NRXN3: variants seen among roughly 807,000 people sequenced by gnomAD.
The protein encoded by NRXN3 is neurexin 3, also known as neurexin III.
NRXN3 carries 32 observed loss-of-function variants against 137.6 expected under a neutral mutation model. The ratio of observed to expected loss-of-function variants is 0.23; its 90% CI spans 0.18 to 0.31. The LOEUF is 0.31. NRXN3 is among the 10% of genes least tolerant of loss of function. The pLI, the probability that NRXN3 is intolerant of heterozygous loss-of-function variation, is 1.00. For synonymous variants in NRXN3, 798 were observed against 784.5 expected (o/e 1.02, Z -0.29); for missense variants, 1,574 against 2,062.5 (o/e 0.76, Z 4.59).
chr14:79,770,767 C>A (rs962391999), intron 19 of NRXN3, among the ~76,000 whole-genome samples: 4 of 151,028 alleles, frequency 2.6e-5, no homozygotes, highest in African/African-American at 9.7e-5. Context: ...CAAGAAATAA[C>A]TAAAATCAGA....
chr14:78,332,319 T>A (rs1358395722), intron 4 of NRXN3, among the ~76,000 whole-genome samples: 1 of 180 alleles, frequency 5.6e-3, no homozygotes, highest in Admixed American at 0.12. Flanking sequence ...TTTCTTCTTC[T>A]TTTTTTTTTT....
At chr14:78,249,193 C>T (rs1352809354) in intron 2 of NRXN3, among the ~76,000 whole-genome samples, 1 of 152,208 alleles carries the variant, frequency 6.6e-6, no homozygotes, top group Non-Finnish European at 1.5e-5. Flanking sequence ...GCAGCCTTCT[C>T]CTTTTGCAGA....
intron 4 of NRXN3, among the ~76,000 whole-genome samples, chr14:78,370,020 G>A (rs185882872): frequency 8.6e-5 from 13 of 151,468 alleles, no homozygotes; most frequent in Admixed American, 7.2e-4. Flanking sequence ...TTTGAGGTTC[G>A]TCTTTTTCCC....
intron 15 of NRXN3, among the ~76,000 whole-genome samples, chr14:79,023,436 A>G (rs979293457): frequency 3.3e-5 from 5 of 152,116 alleles, no homozygotes; most frequent in East Asian, 1.9e-4. Flanking sequence ...AAAGCAGGTA[A>G]GGAAAGAAAG....
At position 78,902,970 on chromosome 14, in the gene NRXN3, G is replaced by T. The variant is rs1397013881; in HGVS notation, c.2276-54272G>T. Among the ~76,000 whole-genome samples, 5 of 151,550 alleles carry T rather than the reference G, an allele frequency of 3.3e-5. No homozygotes were observed. The East Asian group carries it at 9.8e-4, about 30-fold the overall frequency. On this transcript the variant is annotated intron_variant, in intron 10 of 20. Transcript: ENST00000335750. ...TCCTGCAAATCTCATCCTTTTCAAG[G>T]TAATTCTTTCATTTCAGATAAAATG... is the stretch of plus-strand genomic sequence containing the variant.
At chr14:78,634,432 A>G (rs10483910) in intron 4 of NRXN3, among the ~76,000 whole-genome samples, 11,656 of 152,300 alleles carry the variant, frequency 0.077, 543 homozygotes, top group Middle Eastern at 0.15. Context: ...CTCACAGCGT[A>G]TGGTTAAAAA....
At chr14:79,172,334 GA>G (rs1241950940) in intron 15 of NRXN3, among the ~76,000 whole-genome samples, 1 of 152,124 alleles carries the variant, frequency 6.6e-6, no homozygotes, top group African/African-American at 2.4e-5. Flanking sequence ...GTCAGTAAAA[GA>G]AGATGAATGT....
intron 15 of NRXN3, among the ~76,000 whole-genome samples, chr14:79,265,462 G>T (rs2078323226): frequency 6.6e-6 from 1 of 151,856 alleles, no homozygotes; most frequent in Non-Finnish European, 1.5e-5. Context: ...AGCTAAAGAA[G>T]AGAAATGTTC....
intron 16 of NRXN3, among the ~76,000 whole-genome samples, chr14:79,606,309 TAAA>T (rs1403027669): frequency 6.6e-6 from 1 of 152,180 alleles, no homozygotes; most frequent in African/African-American, 2.4e-5. Flanking sequence ...GTTCTTTGCT[TAAA>T]AAAAGTTGCA....
chr14:79,352,418 A>G (rs543876074), intron 15 of NRXN3, among the ~76,000 whole-genome samples: 1 of 152,250 alleles, frequency 6.6e-6, no homozygotes, highest in African/African-American at 2.4e-5. Flanking sequence ...CTCGAACTTG[A>G]GATTCCAGAA....
intron 15 of NRXN3, among the ~76,000 whole-genome samples, chr14:79,287,425 G>T (rs1394471296): frequency 6.6e-6 from 1 of 152,156 alleles, no homozygotes; most frequent in East Asian, 1.9e-4. Context: ...TTCAGAATTG[G>T]ATCCCATTTG....
At chr14:79,103,358 T>C (rs938406195) in intron 15 of NRXN3, among the ~76,000 whole-genome samples, 2 of 152,160 alleles carry the variant, frequency 1.3e-5, no homozygotes, top group Non-Finnish European at 2.9e-5. Context: ...AAGAAAATAG[T>C]GCAATGACTG....
At chr14:79,801,235 T>A (rs1008696250) in intron 19 of NRXN3, among the ~76,000 whole-genome samples, 4 of 152,232 alleles carry the variant, frequency 2.6e-5, no homozygotes, top group Admixed American at 2.0e-4. Context: ...TCACAGCCAC[T>A]GAGAACAGAT....
intron 15 of NRXN3, among the ~76,000 whole-genome samples, chr14:79,061,686 G>T (rs1039313870): frequency 1.3e-5 from 2 of 152,144 alleles, no homozygotes; most frequent in African/African-American, 4.8e-5. Context: ...CCATGACAAG[G>T]TCTACGGCAT....
At chr14:79,675,306 A>G (rs73329945) in intron 17 of NRXN3, among the ~76,000 whole-genome samples, 3,971 of 152,180 alleles carry the variant, frequency 0.026, 184 homozygotes, top group African/African-American at 0.091. Context: ...TATAAATATG[A>G]TATGATTTGC....
intron 15 of NRXN3, among the ~76,000 whole-genome samples, chr14:79,426,224 C>T (rs1220100197): frequency 1.3e-5 from 2 of 152,168 alleles, no homozygotes; most frequent in South Asian, 2.1e-4. Flanking sequence ...CCTCCTTTCA[C>T]CTCCTGGCCA....
chr14:79,401,384 A>T (rs1233986098), intron 15 of NRXN3, among the ~76,000 whole-genome samples: 3 of 152,104 alleles, frequency 2.0e-5, no homozygotes, highest in African/African-American at 7.2e-5. Context: ...TCACCAGGGA[A>T]CTTTTTAGAA....
chr14:79,073,678 T>C lies in NRXN3; in HGVS notation c.3262+85537T>C, dbSNP rs570344589. On this transcript the variant is annotated intron_variant, in intron 15 of 20. Transcript: ENST00000335750. The stretch of plus-strand genomic sequence containing the variant: ...ACTGTTCCCAGCCCTTCTTTAAAAA[T>C]CTAAGTCAGAAATATATTGAAGGGC... Among the ~76,000 whole-genome samples, 7 of 152,336 alleles carry C rather than the reference T, an allele frequency of 4.6e-5. No individual in the cohort carries two copies. The East Asian group carries it at 1.3e-3, about 29-fold the overall frequency.
chr14:78,701,637 G>A (rs903711441), intron 6 of NRXN3, among the ~76,000 whole-genome samples: 3 of 152,164 alleles, frequency 2.0e-5, no homozygotes, highest in Non-Finnish European at 4.4e-5. Context: ...ATCAGAGATG[G>A]TGGCCCCATC....
Sources: allele counts gnomAD v4.1 joint callset (sites outside exome capture counted in the v4.1 genomes callset), GRCh38; gene constraint gnomAD v4.1.1; transcripts MANE v1.5; gene names NCBI Gene and HGNC (gene_info 2026-07-23, HGNC 2026-07-21).